GMDS: variants seen among roughly 807,000 people sequenced by gnomAD.
GMDS encodes the protein GDP-mannose 4,6 dehydratase.
In GMDS, 20 loss-of-function variants were observed where a neutral mutation model predicts 49.9. The ratio of observed to expected loss-of-function variants is 0.40; its 90% confidence interval spans 0.28 to 0.58. The LOEUF (loss-of-function observed/expected upper bound fraction) is 0.58. Ranked by LOEUF, GMDS falls within the 20% of genes least tolerant of loss-of-function variation. The pLI is 0.42. For synonymous variants in GMDS, 177 were observed against 178.6 expected (o/e 0.99, Z 0.07); for missense variants, 362 against 481.4 (o/e 0.75, Z 2.32).
At chr6:2,149,267 G>C (rs933062123) in intron 1 of GMDS, among the ~76,000 whole-genome samples, 5 of 152,172 alleles carry the variant, frequency 3.3e-5, no homozygotes, top group South Asian at 2.1e-4. Context: ...GATTTGAAGA[G>C]AGCATCAGTT....
chr6:1,624,949 C>T (rs1762807612), intron 9 of GMDS: 1 of 156,380 alleles, frequency 6.4e-6, no homozygotes, highest in Non-Finnish European at 1.4e-5. Flanking sequence ...ACCAGGCGCC[C>T]CTCCCAGCTG....
chr6:1,903,510 T>C (rs150860196), intron 7 of GMDS, among the ~76,000 whole-genome samples: 53 of 152,374 alleles, frequency 3.5e-4, no homozygotes, highest in African/African-American at 1.3e-3. Flanking sequence ...GCATTTCATC[T>C]ACACAGCTTC....
chr6:1,733,963 G>A (rs1766919000), intron 8 of GMDS, among the ~76,000 whole-genome samples: 1 of 152,234 alleles, frequency 6.6e-6, no homozygotes, highest in Non-Finnish European at 1.5e-5. Context: ...ACTCTTCCAA[G>A]GGGCATCGGG....
At chr6:1,687,755 G>T (rs1281278862) in intron 9 of GMDS, among the ~76,000 whole-genome samples, 2 of 152,078 alleles carry the variant, frequency 1.3e-5, no homozygotes, top group Non-Finnish European at 2.9e-5. Context: ...GAGCAGTCCT[G>T]CCCTCTAACT....
intron 4 of GMDS, among the ~76,000 whole-genome samples, chr6:2,052,801 A>G (rs567579125): frequency 6.6e-6 from 1 of 152,350 alleles, no homozygotes; most frequent in African/African-American, 2.4e-5. Context: ...CTGGAGCTGT[A>G]GCAACCACTT....
intron 1 of GMDS, among the ~76,000 whole-genome samples, chr6:2,205,907 G>T (rs1779786901): frequency 6.6e-6 from 1 of 152,084 alleles, no homozygotes; most frequent in Non-Finnish European, 1.5e-5. Context: ...AGTTTAGGCT[G>T]GTTGTCCTTT....
chr6:1,915,383 C>T (rs1394760820), intron 7 of GMDS, among the ~76,000 whole-genome samples: 1 of 152,204 alleles, frequency 6.6e-6, no homozygotes, highest in East Asian at 1.9e-4. Flanking sequence ...AGGAGGGCAT[C>T]TGCAGAGGCA....
intron 4 of GMDS, among the ~76,000 whole-genome samples, chr6:2,048,902 C>T (rs1770189044): frequency 6.6e-6 from 1 of 152,084 alleles, no homozygotes; most frequent in Admixed American, 6.6e-5. Context: ...GTTTCCCCTC[C>T]CAAAATACCA....
rs192428650 is a variant in GMDS, at chr6:2,170,762, G to A, written c.103-46031C>T. Among the ~76,000 whole-genome samples the A allele has an allele frequency of 3.7e-3, 562 of 152,242 alleles. 3 individuals are homozygous for A. The highest frequency in any genetic ancestry group is 0.013 in the African/African-American group (531 of 41,552). ...TGTAATCCCAGCACTTTGGGAGGCCGAGGCGGGTGGATCACGAGGTCAGGA... is the reference window on the plus strand; with the variant it reads ...TGTAATCCCAGCACTTTGGGAGGCCAAGGCGGGTGGATCACGAGGTCAGGA... On this transcript the variant is annotated intron_variant, in intron 1 of 10. Coordinates refer to ENST00000380815, the MANE Select transcript of GMDS (RefSeq NM_001500.4).
intron 7 of GMDS, among the ~76,000 whole-genome samples, chr6:1,828,978 A>G (rs1417667227): frequency 1.3e-5 from 2 of 152,238 alleles, no homozygotes; most frequent in Admixed American, 6.5e-5. Context: ...CATATTTTGT[A>G]TATGTGTACC....
chr6:1,842,075 C>G (rs901550129), intron 7 of GMDS, among the ~76,000 whole-genome samples: 1 of 152,204 alleles, frequency 6.6e-6, no homozygotes, highest in Non-Finnish European at 1.5e-5. Context: ...CACATACTCA[C>G]AGTTCCCTCT....
chr6:2,152,872 C>T (rs560770147), intron 1 of GMDS, among the ~76,000 whole-genome samples: 31 of 151,950 alleles, frequency 2.0e-4, no homozygotes, highest in African/African-American at 7.5e-4. Flanking sequence ...ATGATATAAT[C>T]AAAATCTAGA....
At chr6:1,970,417 G>C (rs56918331) in intron 4 of GMDS, among the ~76,000 whole-genome samples, 2 of 152,062 alleles carry the variant, frequency 1.3e-5, no homozygotes, top group African/African-American at 4.8e-5. Flanking sequence ...TCTTTCCCCC[G>C]CCCCCGCCCC....
intron 7 of GMDS, among the ~76,000 whole-genome samples, chr6:1,774,683 A>G (rs992688379): frequency 1.3e-5 from 2 of 152,088 alleles, no homozygotes; most frequent in African/African-American, 2.4e-5. Flanking sequence ...TATGTGCAGA[A>G]AGGCATGCTA....
chr6:1,846,797 G>A (rs1363918022), intron 7 of GMDS, among the ~76,000 whole-genome samples: 1 of 152,230 alleles, frequency 6.6e-6, no homozygotes, highest in Non-Finnish European at 1.5e-5. Flanking sequence ...CAGCATTTGA[G>A]CAGGTATTTT....
At chr6:2,083,648 A>G (rs1772843934) in intron 4 of GMDS, among the ~76,000 whole-genome samples, 2 of 152,214 alleles carry the variant, frequency 1.3e-5, no homozygotes, top group Non-Finnish European at 2.9e-5. Context: ...GGTTATGCCT[A>G]TACCCTCAGA....
chr6:2,013,660 C>T (rs1052426732), intron 4 of GMDS, among the ~76,000 whole-genome samples: 5 of 151,658 alleles, frequency 3.3e-5, no homozygotes, highest in African/African-American at 9.7e-5. Flanking sequence ...AATGAGTTCC[C>T]CTGGCATGAC....
chr6:2,182,341 C>T (rs137859242), intron 1 of GMDS, among the ~76,000 whole-genome samples: 315 of 152,340 alleles, frequency 2.1e-3, no homozygotes, highest in African/African-American at 7.3e-3. Flanking sequence ...AGCTACAAGT[C>T]AGCCAGAATA....
chr6:2,243,110 G>T (rs756637066), intron 1 of GMDS, among the ~76,000 whole-genome samples: 72 of 152,192 alleles, frequency 4.7e-4, no homozygotes, highest in Middle Eastern at 3.2e-3. Context: ...GATGCCGGAG[G>T]GAAGAAAGAA....
Sources: gnomAD v4.1 joint callset for allele counts (sites outside exome capture counted in the v4.1 genomes callset) on GRCh38, gnomAD v4.1.1 for gene constraint, MANE v1.5 for transcripts, NCBI Gene and HGNC (gene_info 2026-07-23, HGNC 2026-07-21) for gene names.